NCAM2: variants seen among roughly 807,000 people sequenced by gnomAD.
NCAM2 encodes N-CAM-2.
A neutral mutation model predicts 98.1 loss-of-function variants in NCAM2; 30 were observed. That is an observed-to-expected ratio of 0.31 (90% CI 0.23 to 0.41). The LOEUF (loss-of-function observed/expected upper bound fraction) is 0.41. NCAM2 is among the 10% of genes least tolerant of loss of function. The pLI is 1.00. For synonymous variants in NCAM2, 368 were observed against 342.4 expected (o/e 1.07, Z -0.83); for missense variants, 867 against 1,005.8 (o/e 0.86, Z 1.87).
At chr21:21,499,398 C>T (rs550420553) in intron 15 of NCAM2, among the ~76,000 whole-genome samples, 19 of 152,142 alleles carry the variant, frequency 1.2e-4, no homozygotes, top group Admixed American at 3.3e-4. Context: ...CGTGCCACCA[C>T]GCCCAGTTAA....
intron 9 of NCAM2, among the ~76,000 whole-genome samples, chr21:21,395,025 C>T (rs576002259): frequency 6.6e-6 from 1 of 152,144 alleles, no homozygotes; most frequent in South Asian, 2.1e-4. Flanking sequence ...TTGTTCTTTC[C>T]CTCATTGAAT....
chr21:21,457,726 G>C (rs1246319727), intron 12 of NCAM2, among the ~76,000 whole-genome samples: 1 of 152,084 alleles, frequency 6.6e-6, no homozygotes, highest in African/African-American at 2.4e-5. Context: ...GTGTGTGATG[G>C]AATCAGATAT....
At chr21:21,518,581 G>C (rs866901932) in intron 16 of NCAM2, among the ~76,000 whole-genome samples, 69 of 151,622 alleles carry the variant, frequency 4.6e-4, no homozygotes, top group African/African-American at 1.6e-3. Context: ...TATTTAAATA[G>C]AGGCACAAGA....
At chr21:21,330,178 T>G (rs2074632817) in intron 6 of NCAM2, among the ~76,000 whole-genome samples, 1 of 152,102 alleles carries the variant, frequency 6.6e-6, no homozygotes, top group South Asian at 2.1e-4. Context: ...ATTATTATTT[T>G]CCTCCTGTTT....
At chr21:21,330,530 G>T (rs2074644185) in intron 6 of NCAM2, among the ~76,000 whole-genome samples, 1 of 151,408 alleles carries the variant, frequency 6.6e-6, no homozygotes, top group Non-Finnish European at 1.5e-5. Context: ...ACTTTATTGA[G>T]TCTTAAATTA....
chr21:21,430,693 C>T (rs1411881727), intron 11 of NCAM2, among the ~76,000 whole-genome samples: 2 of 151,846 alleles, frequency 1.3e-5, no homozygotes, highest in Non-Finnish European at 2.9e-5. Flanking sequence ...AGAAACCGCC[C>T]CCATGATTCA....
chr21:21,044,375 G>GAAAGC (rs1270896566), intron 1 of NCAM2, among the ~76,000 whole-genome samples: 2 of 152,168 alleles, frequency 1.3e-5, no homozygotes, highest in Non-Finnish European at 2.9e-5. Context: ...GGAAGATCTT[G>GAAAGC]AAGAGCAACA....
chr21:21,368,976 T>C (rs2075851393), intron 8 of NCAM2, among the ~76,000 whole-genome samples: 1 of 151,914 alleles, frequency 6.6e-6, no homozygotes, highest in Non-Finnish European at 1.5e-5. Context: ...GTTATTTATG[T>C]ATAAGTCACA....
chr21:21,048,897 GACCTTAGATTTCTCAT>G (rs1416914519), intron 1 of NCAM2, among the ~76,000 whole-genome samples: 5 of 151,822 alleles, frequency 3.3e-5, no homozygotes, highest in African/African-American at 1.2e-4. Flanking sequence ...TAATTCTCCT[GACCTTAGATTTCTCAT>G]ACAGTTTGTA....
Position 21,262,238 on chromosome 21 carries a change from C to A in NCAM2, c.56-18340C>A, listed in dbSNP as rs576456441. 2.6e-5 allele frequency among the ~76,000 whole-genome samples: 4 copies of A among 152,042 alleles called. No homozygotes were observed. In the East Asian group the frequency reaches 5.8e-4, roughly 22 times the overall value. Reference sequence around the variant, plus strand: ...AAATAATCCACCAACCACAGGAAGCCCACGACCAGACAGATTCACAGCCAC... The same window carrying A: ...AAATAATCCACCAACCACAGGAAGCACACGACCAGACAGATTCACAGCCAC... On this transcript the variant is annotated intron_variant, in intron 1 of 17. Transcript: ENST00000400546.
chr21:21,518,778 A>G (rs1450722280), intron 16 of NCAM2, among the ~76,000 whole-genome samples: 3 of 152,142 alleles, frequency 2.0e-5, no homozygotes, highest in African/African-American at 7.2e-5. Flanking sequence ...GAACTTAGGA[A>G]CAAATTAGTA....
intron 14 of NCAM2, among the ~76,000 whole-genome samples, chr21:21,475,295 CTT>C (rs1324267430): frequency 6.6e-6 from 1 of 152,028 alleles, no homozygotes; most frequent in Non-Finnish European, 1.5e-5. Flanking sequence ...TAGCCCTTGA[CTT>C]TATTAGGTAT....
intron 1 of NCAM2, among the ~76,000 whole-genome samples, chr21:21,002,022 C>CT (rs1397874908): frequency 2.0e-5 from 3 of 152,132 alleles, no homozygotes; most frequent in Admixed American, 1.3e-4. Context: ...CTCTCGTATG[C>CT]TTTTTCTATC....
At chr21:21,456,461 C>T (rs1982161613) in intron 12 of NCAM2, among the ~76,000 whole-genome samples, 1 of 152,106 alleles carries the variant, frequency 6.6e-6, no homozygotes. Context: ...TGAGGATAAT[C>T]AGCATGGATT....
At chr21:21,139,506 T>C (rs1270764191) in intron 1 of NCAM2, among the ~76,000 whole-genome samples, 1 of 152,222 alleles carries the variant, frequency 6.6e-6, no homozygotes, top group Non-Finnish European at 1.5e-5. Flanking sequence ...TTGTTTTCTT[T>C]ATAGAATACA....
At chr21:21,247,911 C>T (rs1165339328) in intron 1 of NCAM2, among the ~76,000 whole-genome samples, 1 of 152,046 alleles carries the variant, frequency 6.6e-6, no homozygotes, top group African/African-American at 2.4e-5. Flanking sequence ...TCTCCTTTCC[C>T]TTCTTCCTTC....
At chr21:21,236,162 CAAAT>C (rs5842907) in intron 1 of NCAM2, among the ~76,000 whole-genome samples, 50,935 of 151,138 alleles carry the variant, frequency 0.34, 8,930 homozygotes, top group Non-Finnish European at 0.4. Context: ...ATTATCCAAG[CAAAT>C]AAATAAATAA....
At chr21:21,113,937 G>A (rs540600985) in intron 1 of NCAM2, among the ~76,000 whole-genome samples, 4 of 151,774 alleles carry the variant, frequency 2.6e-5, no homozygotes, top group East Asian at 1.9e-4. Context: ...TGCTTTATTC[G>A]GGAGTTAAGA....
In NCAM2 at chr21:20,998,596, G is replaced by A. The variant is rs1409057439; in HGVS notation, c.33G>A (p.Gly11=). The A allele has an allele frequency of 6.2e-7, 1 of 1,614,128 alleles. No homozygotes were observed. Among genetic ancestry groups the A allele is most frequent in the Non-Finnish European group, 8.5e-7 (1 of 1,180,008 alleles). Residue 11 remains glycine, a synonymous_variant, in exon 1 of 18, where the codon GGG becomes GGA. Coordinates refer to ENST00000400546, the MANE Select transcript of NCAM2 (RefSeq NM_004540.5). ...TCCTCCTCTCCTTCTACCTGCTGGG[G>A]TTGCTTGTCAGTAGCGGGCAAGGTA... The part of the protein sequence containing the change: MSLLLSFYLL[G]LLVSSGQALL...
Sources: gnomAD v4.1 joint callset for allele counts (sites outside exome capture counted in the v4.1 genomes callset) on GRCh38, gnomAD v4.1.1 for gene constraint, MANE v1.5 for transcripts, NCBI Gene and HGNC (gene_info 2026-07-23, HGNC 2026-07-21) for gene names.